ZNF521: variants seen among roughly 807,000 people sequenced by gnomAD.
The protein encoded by ZNF521 is LYST-interacting protein 3.
ZNF521 carries 14 observed loss-of-function variants against 105.5 expected under a neutral mutation model. The ratio of observed to expected loss-of-function variants is 0.13; its 90% CI spans 0.09 to 0.21. The LOEUF is 0.21. Among genes scored for constraint, ZNF521 ranks in the 10% least tolerant of loss-of-function variants. ZNF521 has a pLI of 1.00. For synonymous variants in ZNF521, 635 were observed against 606.0 expected, an observed-to-expected ratio of 1.05 and a Z score of -0.70; for missense variants, 1,233 against 1,629.7, an observed-to-expected ratio of 0.76 and a Z score of 4.19.
chr18:25,107,874 CA>C (rs2034104924), intron 5 of ZNF521, among the ~76,000 whole-genome samples: 1 of 152,150 alleles, frequency 6.6e-6, no homozygotes, highest in Admixed American at 6.5e-5. Context: ...TCCTGGGCTG[CA>C]AAAATCTTCT....
intron 3 of ZNF521, among the ~76,000 whole-genome samples, chr18:25,266,689 C>T (rs981197954): frequency 6.6e-6 from 1 of 152,100 alleles, no homozygotes; most frequent in African/African-American, 2.4e-5. Context: ...ATGTGAGGGA[C>T]TGTACCACGA....
At chr18:25,109,553 T>C (rs2034142672) in intron 5 of ZNF521, among the ~76,000 whole-genome samples, 1 of 152,232 alleles carries the variant, frequency 6.6e-6, no homozygotes, top group African/African-American at 2.4e-5. Context: ...GTCGTACTAA[T>C]TTACATTCTC....
At chr18:25,299,311 G>T (rs1911497003) in intron 3 of ZNF521, among the ~76,000 whole-genome samples, 1 of 152,110 alleles carries the variant, frequency 6.6e-6, no homozygotes, top group Non-Finnish European at 1.5e-5. Flanking sequence ...AATGAAGGAG[G>T]GCAGGAGAGA....
chr18:25,119,950 T>C (rs967128189), intron 5 of ZNF521, among the ~76,000 whole-genome samples: 31 of 152,270 alleles, frequency 2.0e-4, no homozygotes, highest in African/African-American at 6.5e-4. Context: ...GAAAAGACAG[T>C]ACAAATTATC....
intron 5 of ZNF521, among the ~76,000 whole-genome samples, chr18:25,096,860 A>G (rs2033862117): frequency 6.6e-6 from 1 of 152,202 alleles, no homozygotes; most frequent in African/African-American, 2.4e-5. Context: ...GGCCGGGGCC[A>G]TACTTAAAAG....
At chr18:25,294,741 G>A (rs1911227014) in intron 3 of ZNF521, among the ~76,000 whole-genome samples, 1 of 150,624 alleles carries the variant, frequency 6.6e-6, no homozygotes, top group South Asian at 2.1e-4. Flanking sequence ...TGTAATCCCA[G>A]CTACTAGGGA....
At chr18:25,217,422 A>C (rs1317234446) in intron 4 of ZNF521, among the ~76,000 whole-genome samples, 1 of 152,188 alleles carries the variant, frequency 6.6e-6, no homozygotes, top group Non-Finnish European at 1.5e-5. Context: ...GGAATGAGGA[A>C]TGATTCACAG....
At chr18:25,277,847 G>C (rs1303344476) in intron 3 of ZNF521, among the ~76,000 whole-genome samples, 1 of 152,082 alleles carries the variant, frequency 6.6e-6, no homozygotes, top group Non-Finnish European at 1.5e-5. Flanking sequence ...AAGAAATAAG[G>C]AAGAAAATTA....
intron 5 of ZNF521, among the ~76,000 whole-genome samples, chr18:25,179,942 C>G (rs2035602202): frequency 6.6e-6 from 1 of 152,130 alleles, no homozygotes; most frequent in Non-Finnish European, 1.5e-5. Flanking sequence ...TAGTTACTGA[C>G]AGAAAATCTG....
chr18:25,286,480 G>C (rs148533740), intron 3 of ZNF521, among the ~76,000 whole-genome samples: 4 of 152,282 alleles, frequency 2.6e-5, no homozygotes, highest in African/African-American at 9.6e-5. Context: ...ATACAGAGGA[G>C]AGCCAATGTC....
chr18:25,311,021 T>C (rs779116201), intron 3 of ZNF521, among the ~76,000 whole-genome samples: 2 of 152,162 alleles, frequency 1.3e-5, no homozygotes, highest in Non-Finnish European at 2.9e-5. Context: ...GGTTCAGAGT[T>C]TGTGGAATAA....
In ZNF521 at chr18:25,225,905, C is replaced by T. The variant is rs779502463; in HGVS notation, c.2013G>A (p.Lys671=). 2 of 1,613,990 alleles carry T rather than the reference C, an allele frequency of 1.2e-6. No homozygotes were observed. Among genetic ancestry groups the T allele is most frequent in the African/African-American group, 1.3e-5 (1 of 74,928 alleles). Reference sequence around the variant, plus strand: ...GCAAGGATTCTTGGTTGGGGAATTCCTTGTTGCACTGAGGACAGGTCAATT... The same window carrying T: ...GCAAGGATTCTTGGTTGGGGAATTCTTTGTTGCACTGAGGACAGGTCAATT... ...LPKLTCPQCN[K]EFPNQESLLK... is the part of the protein sequence containing the mutation. The change falls in exon 4 of 8, where the codon AAG becomes AAA. Residue 671 remains lysine, a synonymous_variant. Coordinates refer to ENST00000361524, the MANE Select transcript of ZNF521 (RefSeq NM_015461.3). This position sits in a 1 kb window ranked among gnomAD's most constrained non-coding sequence, Gnocchi z 5.6.
At chr18:25,219,808 C>A (rs909631223) in intron 4 of ZNF521, among the ~76,000 whole-genome samples, 1 of 152,078 alleles carries the variant, frequency 6.6e-6, no homozygotes, top group Non-Finnish European at 1.5e-5. Flanking sequence ...TAGAGTGAGA[C>A]CCTGTCTGAA....
At chr18:25,320,234 G>C (rs750327350) in intron 3 of ZNF521, among the ~76,000 whole-genome samples, 2 of 152,062 alleles carry the variant, frequency 1.3e-5, no homozygotes, top group African/African-American at 4.8e-5. Context: ...CTGCAATGGC[G>C]TGATCTCAGC....
intron 4 of ZNF521, among the ~76,000 whole-genome samples, chr18:25,211,664 G>C (rs564098842): frequency 3.9e-5 from 6 of 152,110 alleles, no homozygotes; most frequent in South Asian, 4.2e-4. Flanking sequence ...TTATAAATTT[G>C]TTTTATAAAC....
At chr18:25,319,203 T>C (rs1018655797) in intron 3 of ZNF521, among the ~76,000 whole-genome samples, 4 of 151,992 alleles carry the variant, frequency 2.6e-5, no homozygotes, top group Non-Finnish European at 5.9e-5. Context: ...ACCCAAGAGA[T>C]GACAGTAACA....
intron 5 of ZNF521, among the ~76,000 whole-genome samples, chr18:25,098,141 A>C (rs1185729629): frequency 1.3e-5 from 2 of 152,178 alleles, no homozygotes; most frequent in African/African-American, 2.4e-5. Flanking sequence ...ACTTATTAGA[A>C]TATTCTCATG....
intron 3 of ZNF521, among the ~76,000 whole-genome samples, chr18:25,294,637 A>G (rs1435721408): frequency 1.3e-5 from 2 of 151,988 alleles, no homozygotes; most frequent in Admixed American, 1.3e-4. Flanking sequence ...GGGGCAGATC[A>G]CAAGGTCAGG....
chr18:25,299,639 T>C (rs1193483654), intron 3 of ZNF521, among the ~76,000 whole-genome samples: 1 of 152,228 alleles, frequency 6.6e-6, no homozygotes. Flanking sequence ...CTAATGCTTC[T>C]TTTATAAATA....
Sources: gnomAD v4.1 joint callset for allele counts (sites outside exome capture counted in the v4.1 genomes callset) on GRCh38, gnomAD v4.1.1 for gene constraint, Gnocchi (gnomAD v3.1) non-coding constraint, MANE v1.5 for transcripts, NCBI Gene and HGNC (gene_info 2026-07-23, HGNC 2026-07-21) for gene names.